The following PHF3 variants were observed in gnomAD, a reference collection of about 807,000 sequenced individuals.
PHF3 encodes PHD finger protein 3.
PHF3 carries 41 observed loss-of-function variants against 178.4 expected under a neutral mutation model. The ratio of observed to expected loss-of-function variants is 0.23; its 90% confidence interval spans 0.18 to 0.30. The LOEUF (loss-of-function observed/expected upper bound fraction) is 0.30, where lower values mean the gene tolerates loss of function less well. Ranked by LOEUF, PHF3 falls within the 10% of genes least tolerant of loss-of-function variation. The pLI, the probability that PHF3 is intolerant of heterozygous loss-of-function variation, is 1.00. For missense variants in PHF3, 2,346 were observed against 2,398.1 expected, an observed-to-expected ratio of 0.98 and a Z score of 0.45; for synonymous variants, 842 against 800.5, an observed-to-expected ratio of 1.05 and a Z score of -0.88.
intron 4 of PHF3, among the ~76,000 whole-genome samples, chr6:63,686,548 CACTG>C (rs1766715296): frequency 6.6e-6 from 1 of 152,052 alleles, no homozygotes; most frequent in African/African-American, 2.4e-5. Context: ...ATGATTTTAG[CACTG>C]ACTTTCATCA....
chr6:63,677,415 G>C (rs1582057083), intron 2 of PHF3, among the ~76,000 whole-genome samples: 1 of 152,216 alleles, frequency 6.6e-6, no homozygotes, highest in East Asian at 1.9e-4. Flanking sequence ...TGGTATCCCA[G>C]AAGTGAAGTG....
At chr6:63,708,188 TAAAC>T (rs1396165281) in intron 13 of PHF3, among the ~76,000 whole-genome samples, 2 of 152,184 alleles carry the variant, frequency 1.3e-5, no homozygotes. Flanking sequence ...TTTCGATTAA[TAAAC>T]AGACTAATCA....
chr6:63,686,981 G>C, intron 4 of PHF3, among the ~76,000 whole-genome samples: 1 of 152,160 alleles, frequency 6.6e-6, no homozygotes. Context: ...TTCTTCATTT[G>C]TGATCCAGCC....
chr6:63,658,383 C>T (rs990197632), intron 2 of PHF3, among the ~76,000 whole-genome samples: 3 of 151,836 alleles, frequency 2.0e-5, no homozygotes, highest in Non-Finnish European at 4.4e-5. Flanking sequence ...CAGGTTTTTA[C>T]CTTCTGTTTC....
intron 6 of PHF3, among the ~76,000 whole-genome samples, chr6:63,695,907 G>C (rs1208270564): frequency 2.6e-5 from 4 of 152,170 alleles, no homozygotes; most frequent in African/African-American, 9.7e-5. Flanking sequence ...ATTCCTATTA[G>C]ACATCGAGAT....
At position 63,680,398 on chromosome 6, in the gene PHF3, ATTTTTTTTTT is replaced by A. The variant is rs994238749; in HGVS notation, c.406+251_406+260del. ...CCACTAGTAACTCTGAGCTGGTTTA[ATTTTTTTTTT>A]TTTTTTTTTTTTTGGTATTTACCTT... On this transcript the variant is annotated intron_variant, in intron 3 of 15. Coordinates refer to ENST00000262043, the MANE Select transcript of PHF3 (RefSeq NM_001370348.2). 2.6e-5 allele frequency among the ~76,000 whole-genome samples: 3 copies of A among 117,600 alleles called. No individual in the cohort carries two copies. In the Admixed American group the frequency reaches 2.6e-4, roughly 10 times the overall value. 77.2% of individuals were successfully genotyped at this position (117,600 alleles called of 152,430 possible). A position where few individuals can be genotyped will look rare whatever the true frequency, so the allele number is the denominator to read the frequency against.
intron 2 of PHF3, among the ~76,000 whole-genome samples, chr6:63,661,379 C>T (rs1351209708): frequency 6.6e-6 from 1 of 152,054 alleles, no homozygotes; most frequent in African/African-American, 2.4e-5. Context: ...CTTTGCCTAT[C>T]AGATTTATAG....
Position 63,698,205 on chromosome 6 carries a change from G to A in PHF3, c.2681-18G>A, listed in dbSNP as rs772892569. On this transcript the variant is annotated intron_variant, in intron 6 of 15. Coordinates refer to ENST00000262043, the MANE Select transcript of PHF3 (RefSeq NM_001370348.2). ...TTTTAAAAGCAATGTAATGAGTTTC[G>A]ATATTTATTCAAATTAGGTACTCAT... 3.9e-5 allele frequency: 61 copies of A among 1,579,912 alleles called. No homozygotes were observed. In the East Asian group the frequency reaches 4.3e-4, roughly 11 times the overall value.
chr6:63,644,786 C>T (rs957475232), intron 1 of PHF3, among the ~76,000 whole-genome samples: 37 of 152,038 alleles, frequency 2.4e-4, no homozygotes, highest in African/African-American at 8.7e-4. Flanking sequence ...ATTATCACAA[C>T]CAAGATTTAG....
rs1768487616 is a variant in PHF3, at chr6:63,723,482, A to G, written c.*9774A>G. Among the ~76,000 whole-genome samples the G allele has an allele frequency of 6.6e-6, 1 of 152,142 alleles. No individual in the cohort carries two copies. The highest frequency in any genetic ancestry group is 6.6e-5 in the Admixed American group (1 of 15,266). On this transcript the variant is annotated 3_prime_UTR_variant, in exon 16 of 16. Coordinates refer to ENST00000262043, the MANE Select transcript of PHF3 (RefSeq NM_001370348.2). ...TCCTTGTGTTGTAGAGTGTTCCTGT[A>G]GTAAACAATTTTATAGTGAAGAGCT...
At position 63,712,948 on chromosome 6, in the gene PHF3, C is replaced by G; in HGVS notation, c.5360C>G (p.Thr1787Ser). 2 of 1,614,046 alleles carry G rather than the reference C, an allele frequency of 1.2e-6. No homozygotes were observed. Among genetic ancestry groups the G allele is most frequent in the South Asian group, 1.1e-5 (1 of 91,080 alleles). The change falls in exon 16 of 16, where the codon ACC (threonine) becomes AGC (serine). Residue 1787 changes from threonine to serine, a missense_variant. By Grantham distance (58) the Thr-to-Ser change is moderately conservative. Around this residue, in one of 8 missense-constraint regions of PHF3, gnomAD observed 839 missense variants for 806.9 expected, o/e 1.04. Transcript: ENST00000262043. ...SKSITFTSRS[T>S]SPRTSTNFSP... The stretch of plus-strand genomic sequence containing the variant: ...AGCATCACCTTTACTTCCAGAAGCA[C>G]CAGCCCCAGAACAAGTACAAACTTT...
chr6:63,721,226 G>GT lies in PHF3; in HGVS notation c.*7519dup, dbSNP rs1768373125. 1 of 1,551,654 alleles carries GT rather than the reference G, an allele frequency of 6.4e-7. No individual in the cohort carries two copies. ...CCCAACCCAAAGTACACAGGCAACT[G>GT]TAAGAAAATGATTGGTCAGGTATAC... On this transcript the variant is annotated 3_prime_UTR_variant, in exon 16 of 16. Coordinates refer to ENST00000262043, the MANE Select transcript of PHF3 (RefSeq NM_001370348.2).
chr6:63,710,632 A>G lies in PHF3; in HGVS notation c.3802-535A>G, dbSNP rs538418861. On this transcript the variant is annotated intron_variant, in intron 14 of 15. Coordinates refer to ENST00000262043, the MANE Select transcript of PHF3 (RefSeq NM_001370348.2). ...AATTACTTTACAAAATTTACGGTCTATATGTATTTAAGGTCTCTTCATCCA... is the reference window on the plus strand; with the variant it reads ...AATTACTTTACAAAATTTACGGTCTGTATGTATTTAAGGTCTCTTCATCCA... Among the ~76,000 whole-genome samples the G allele has an allele frequency of 5.3e-5, 8 of 152,320 alleles. No individual in the cohort carries two copies. The South Asian group carries it at 1.5e-3, about 28-fold the overall frequency.
chr6:63,717,564 CAG>C lies in PHF3; in HGVS notation c.*3858_*3859del, dbSNP rs1768228671. Among the ~76,000 whole-genome samples the C allele has an allele frequency of 6.6e-6, 1 of 151,964 alleles. No homozygotes were observed. Among genetic ancestry groups the C allele is most frequent in the African/African-American group, 2.4e-5 (1 of 41,406 alleles). On this transcript the variant is annotated 3_prime_UTR_variant, in exon 16 of 16. Transcript: ENST00000262043. ...GAGCAAAAAAGTAGTGAGTTGAAAA[CAG>C]ATCAGTAGCAAGAAGTCCTTTGAAA...
Position 63,712,735 on chromosome 6 carries a change from T to TA in PHF3, c.5151dup (p.Val1718SerfsTer32). 1 of 1,613,914 alleles carries TA rather than the reference T, an allele frequency of 6.2e-7. No individual in the cohort carries two copies. Among genetic ancestry groups the TA allele is most frequent in the Non-Finnish European group, 8.5e-7 (1 of 1,179,966 alleles). On this transcript the variant is annotated frameshift_variant, in exon 16 of 16. Transcript: ENST00000262043. LOFTEE classifies it high-confidence loss of function. ...TCGTGTGTTCAGCAGAGTGACAATT[T>TA]AAAAGTTGCACAAAACTCACCATCA...
At position 63,712,838 on chromosome 6, in the gene PHF3, T is replaced by C. The variant is rs1358442733; in HGVS notation, c.5250T>C (p.Thr1750=). 6.2e-7 allele frequency: 1 copy of C among 1,614,040 alleles called. No individual in the cohort carries two copies. The highest frequency in any genetic ancestry group is 2.2e-5 in the East Asian group (1 of 44,868). Residue 1750 remains threonine (T), a synonymous_variant, in exon 16 of 16, where the codon ACT becomes ACC. Transcript: ENST00000262043. ...ATATTTTAATGCAAAATATTGAAAC[T>C]GTGCACCCATTTCGAAGAGGATCAG... The part of the protein sequence containing the change: ...QEDILMQNIE[T]VHPFRRGSAV...
intron 2 of PHF3, among the ~76,000 whole-genome samples, chr6:63,673,432 TA>T (rs1052374055): frequency 3.5e-4 from 51 of 147,112 alleles, no homozygotes; most frequent in African/African-American, 7.9e-4. Flanking sequence ...CCTGAAACAT[TA>T]AAAAAAAAAA....
chr6:63,671,098 T>G (rs1765896094), intron 2 of PHF3, among the ~76,000 whole-genome samples: 1 of 151,872 alleles, frequency 6.6e-6, no homozygotes, highest in Admixed American at 6.6e-5. Context: ...TATAAGATGG[T>G]CGAGCTGCTT....
At chr6:63,675,152 G>A (rs1766110038) in intron 2 of PHF3, among the ~76,000 whole-genome samples, 1 of 152,110 alleles carries the variant, frequency 6.6e-6, no homozygotes, top group African/African-American at 2.4e-5. Flanking sequence ...AATCAGGCTC[G>A]AAGAGATTTC....
Sources: gnomAD v4.1 joint callset for allele counts (sites outside exome capture counted in the v4.1 genomes callset) on GRCh38, gnomAD v4.1.1 for gene constraint, gnomAD v4.1.1 regional missense constraint, MANE v1.5 for transcripts, NCBI Gene and HGNC (gene_info 2026-07-23, HGNC 2026-07-21) for gene names.